Variants in AGBL1 observed in about 807,000 individuals in gnomAD.
AGBL1 encodes cytosolic carboxypeptidase 4.
Under a neutral mutation model 118.9 loss-of-function variants are expected in AGBL1, and 130 were observed. The ratio of observed to expected loss-of-function variants is 1.09; its 90% CI spans 0.95 to 1.26. AGBL1 has a LOEUF of 1.26. Ranked by LOEUF, AGBL1 falls within the 50% of genes most tolerant of loss-of-function variation. AGBL1 has a pLI of 0.00. For synonymous variants in AGBL1, 555 were observed against 478.9 expected (o/e 1.16, Z -2.08); for missense variants, 1,584 against 1,298.1 (o/e 1.22, Z -3.38).
At chr15:86,856,540 C>G (rs1167886958) in intron 22 of AGBL1, among the ~76,000 whole-genome samples, 1 of 152,220 alleles carries the variant, frequency 6.6e-6, no homozygotes, top group Non-Finnish European at 1.5e-5. Context: ...CCTACACTTT[C>G]TGCCAAACAG....
At chr15:86,160,849 C>T (rs1049397767) in intron 5 of AGBL1, among the ~76,000 whole-genome samples, 1 of 152,150 alleles carries the variant, frequency 6.6e-6, no homozygotes, top group Non-Finnish European at 1.5e-5. Flanking sequence ...AAGCTCTTCC[C>T]ACATAGCCAT....
intron 22 of AGBL1, among the ~76,000 whole-genome samples, chr15:86,776,625 G>A (rs1041150403): frequency 6.7e-6 from 1 of 149,134 alleles, no homozygotes; most frequent in Admixed American, 6.7e-5. Flanking sequence ...TCATTTTTGT[G>A]GTTTTTTTTT....
At chr15:86,443,462 A>C (rs2082087762) in intron 18 of AGBL1, among the ~76,000 whole-genome samples, 1 of 152,220 alleles carries the variant, frequency 6.6e-6, no homozygotes, top group Admixed American at 6.5e-5. Context: ...TGTTGGAAAC[A>C]TTCAAAATTC....
intron 5 of AGBL1, among the ~76,000 whole-genome samples, chr15:86,160,624 A>G (rs1214574744): frequency 6.6e-6 from 1 of 152,190 alleles, no homozygotes; most frequent in East Asian, 1.9e-4. Context: ...TTTGGTTACC[A>G]ATCTATGAAC....
chr15:86,584,663 G>A (rs1044173622), intron 21 of AGBL1, among the ~76,000 whole-genome samples: 1 of 152,066 alleles, frequency 6.6e-6, no homozygotes, highest in Non-Finnish European at 1.5e-5. Context: ...GGCTATTTGA[G>A]CTCTTTCTTG....
At chr15:86,794,308 G>A (rs1160780263) in intron 22 of AGBL1, among the ~76,000 whole-genome samples, 2 of 152,180 alleles carry the variant, frequency 1.3e-5, no homozygotes, top group Non-Finnish European at 2.9e-5. Flanking sequence ...CAACATGGGT[G>A]AACCTCAAAA....
intron 22 of AGBL1, among the ~76,000 whole-genome samples, chr15:86,878,581 C>T (rs1217922997): frequency 6.6e-6 from 1 of 151,952 alleles, no homozygotes; most frequent in South Asian, 2.1e-4. Flanking sequence ...TTGTTTCTCT[C>T]TTCTATATCT....
intron 22 of AGBL1, among the ~76,000 whole-genome samples, chr15:86,680,565 C>CTTTTTTTTTTTTTTT (rs34873609): frequency 6.3e-4 from 60 of 94,674 alleles, no homozygotes; most frequent in Admixed American, 7.7e-4. Flanking sequence ...TCTTTCTTTT[C>CTTTTTTTTTTTTTTT]TTTTTTTTTT....
intron 22 of AGBL1, among the ~76,000 whole-genome samples, chr15:86,810,263 A>G (rs1466236185): frequency 1.3e-5 from 2 of 152,172 alleles, no homozygotes; most frequent in Non-Finnish European, 2.9e-5. Flanking sequence ...GTTTGGCTCA[A>G]AGCTATTCCT....
intron 1 of AGBL1, among the ~76,000 whole-genome samples, chr15:86,085,848 A>T (rs948762914): frequency 6.6e-6 from 1 of 152,220 alleles, no homozygotes; most frequent in African/African-American, 2.4e-5. Flanking sequence ...TCCTTGCATC[A>T]AAGCAGCTCT....
At chr15:86,802,612 A>T (rs28451826) in intron 22 of AGBL1, among the ~76,000 whole-genome samples, 1 of 152,170 alleles carries the variant, frequency 6.6e-6, no homozygotes, top group Non-Finnish European at 1.5e-5. Flanking sequence ...TTCAGATTCT[A>T]TATCTAAGGG....
intron 18 of AGBL1, among the ~76,000 whole-genome samples, chr15:86,478,094 A>G (rs1200603710): frequency 2.0e-5 from 3 of 152,142 alleles, no homozygotes; most frequent in Non-Finnish European, 4.4e-5. Flanking sequence ...AAATAATAAG[A>G]GCTATTTATG....
rs188070651 is a variant in AGBL1, at chr15:86,096,626, A to G, written c.51+16603A>G. Among the ~76,000 whole-genome samples, 128 of 152,334 alleles carry G rather than the reference A, an allele frequency of 8.4e-4. 1 individual carries two copies. The highest frequency in any genetic ancestry group is 2.8e-3 in the African/African-American group (115 of 41,590). The stretch of plus-strand genomic sequence containing the variant: ...GCATCTATTAAATTAAATGCTATCC[A>G]GAAGCTTGAGGAATTAAGTTTGTTG... On this transcript the variant is annotated intron_variant, in intron 1 of 22. Coordinates refer to ENST00000614907, the MANE Select transcript of AGBL1 (RefSeq NM_001386094.1).
At chr15:86,106,115 G>A (rs1194998781) in intron 1 of AGBL1, among the ~76,000 whole-genome samples, 2 of 152,184 alleles carry the variant, frequency 1.3e-5, no homozygotes, top group South Asian at 2.1e-4. Context: ...TCTGATGTGT[G>A]GGCAACCTCT....
At chr15:86,088,533 G>A (rs1234230390) in intron 1 of AGBL1, among the ~76,000 whole-genome samples, 1 of 152,156 alleles carries the variant, frequency 6.6e-6, no homozygotes, top group African/African-American at 2.4e-5. Context: ...TGTGTGATGG[G>A]GGACTATTAT....
intron 22 of AGBL1, among the ~76,000 whole-genome samples, chr15:86,766,895 A>T (rs890038275): frequency 6.6e-6 from 1 of 151,898 alleles, no homozygotes; most frequent in Non-Finnish European, 1.5e-5. Flanking sequence ...AATTAACAAG[A>T]CAACCTACAG....
intron 21 of AGBL1, among the ~76,000 whole-genome samples, chr15:86,594,569 G>A (rs1481860693): frequency 1.3e-5 from 2 of 152,188 alleles, no homozygotes; most frequent in East Asian, 3.9e-4. Context: ...ATGATATAAG[G>A]CTATTGGTCA....
chr15:87,009,584 C>T (rs1326521829), intron 24 of AGBL1, among the ~76,000 whole-genome samples: 4 of 152,184 alleles, frequency 2.6e-5, no homozygotes, highest in Admixed American at 2.6e-4. Flanking sequence ...CTCCAGCCCC[C>T]AGAACGATAA....
intron 18 of AGBL1, among the ~76,000 whole-genome samples, chr15:86,414,531 C>T (rs1026889874): frequency 2.0e-5 from 3 of 152,092 alleles, no homozygotes; most frequent in Non-Finnish European, 4.4e-5. Context: ...CAGATTGGTG[C>T]TAATAGATGT....
Sources: gnomAD v4.1 joint callset for allele counts (sites outside exome capture counted in the v4.1 genomes callset) on GRCh38, gnomAD v4.1.1 for gene constraint, MANE v1.5 for transcripts, NCBI Gene and HGNC (gene_info 2026-07-23, HGNC 2026-07-21) for gene names.